The following ERBB4 variants were observed in gnomAD, a reference collection of about 807,000 sequenced individuals.
ERBB4 encodes the protein receptor tyrosine-protein kinase erbB-4.
ERBB4 carries 42 observed loss-of-function variants against 158.0 expected under a neutral mutation model. The observed-to-expected ratio is 0.27, with a 90% CI of 0.21 to 0.34. ERBB4 has a LOEUF of 0.34. Ranked by LOEUF, ERBB4 falls within the 10% of genes least tolerant of loss-of-function variation. ERBB4 has a pLI of 1.00. For synonymous variants in ERBB4, 583 were observed against 558.7 expected (o/e 1.04, Z -0.61); for missense variants, 1,333 against 1,624.1 (o/e 0.82, Z 3.08).
chr2:212,062,695 G>A (rs532375370), intron 2 of ERBB4, among the ~76,000 whole-genome samples: 19 of 152,114 alleles, frequency 1.2e-4, no homozygotes, highest in Admixed American at 8.5e-4. Context: ...GTGAGCCACC[G>A]CTCCCAGCCC....
intron 4 of ERBB4, among the ~76,000 whole-genome samples, chr2:211,751,381 AAAT>A (rs550551359): frequency 2.0e-4 from 30 of 152,214 alleles, no homozygotes; most frequent in Non-Finnish European, 3.8e-4. Context: ...TCGGGACTGA[AAAT>A]AAAGAATATT....
At chr2:211,990,795 A>G (rs1439842915) in intron 2 of ERBB4, among the ~76,000 whole-genome samples, 1 of 151,962 alleles carries the variant, frequency 6.6e-6, no homozygotes, top group Non-Finnish European at 1.5e-5. Flanking sequence ...AAACGTAAGA[A>G]GTAACTAATA....
intron 3 of ERBB4, among the ~76,000 whole-genome samples, chr2:211,830,721 G>T (rs1413521651): frequency 6.6e-6 from 1 of 151,678 alleles, no homozygotes; most frequent in Non-Finnish European, 1.5e-5. Context: ...TGTTTAAGTA[G>T]GTCACATTAA....
intron 1 of ERBB4, among the ~76,000 whole-genome samples, chr2:212,446,591 G>GTA (rs71057412): frequency 1.3e-3 from 35 of 27,506 alleles, no homozygotes; most frequent in South Asian, 5.6e-3. Context: ...ATATATATAT[G>GTA]TATATATATA....
intron 20 of ERBB4, among the ~76,000 whole-genome samples, chr2:211,517,678 A>G (rs965595269): frequency 4.7e-4 from 71 of 152,230 alleles, no homozygotes; most frequent in African/African-American, 1.6e-3. Context: ...AATTTGTACA[A>G]ATTACAAGAA....
intron 2 of ERBB4, among the ~76,000 whole-genome samples, chr2:212,086,358 CAAAAAAA>C (rs76096908): frequency 1.6e-5 from 2 of 127,992 alleles, no homozygotes; most frequent in Non-Finnish European, 3.3e-5. Context: ...TTCTCCCCAC[CAAAAAAA>C]AAAAAAGAAA....
chr2:212,522,762 G>A (rs1692245549), intron 1 of ERBB4, among the ~76,000 whole-genome samples: 1 of 151,974 alleles, frequency 6.6e-6, no homozygotes, highest in Non-Finnish European at 1.5e-5. Flanking sequence ...CGCCTCTGTT[G>A]AGAAATAGCT....
At chr2:211,550,981 C>T (rs1435316982) in intron 20 of ERBB4, among the ~76,000 whole-genome samples, 4 of 151,332 alleles carry the variant, frequency 2.6e-5, no homozygotes, top group South Asian at 4.2e-4. Context: ...CGCTCTGTCG[C>T]CCAGGCTGGA....
At chr2:211,596,441 C>A (rs1319289913) in intron 19 of ERBB4, among the ~76,000 whole-genome samples, 1 of 152,144 alleles carries the variant, frequency 6.6e-6, no homozygotes, top group South Asian at 2.1e-4. Flanking sequence ...GTTCTGGATG[C>A]TTAGGTCTAA....
chr2:211,750,965 T>C (rs1322722050), intron 4 of ERBB4, among the ~76,000 whole-genome samples: 1 of 152,192 alleles, frequency 6.6e-6, no homozygotes, highest in Non-Finnish European at 1.5e-5. Context: ...TTGTGAATTT[T>C]CTCAGGAAAT....
chr2:211,940,937 G>A (rs1434289851), intron 3 of ERBB4, among the ~76,000 whole-genome samples: 1 of 152,040 alleles, frequency 6.6e-6, no homozygotes, highest in Non-Finnish European at 1.5e-5. Flanking sequence ...TGCTGAAATG[G>A]CCATTATAAT....
At chr2:211,390,156 C>T (rs1402238557) in intron 25 of ERBB4, among the ~76,000 whole-genome samples, 2 of 152,164 alleles carry the variant, frequency 1.3e-5, no homozygotes, top group African/African-American at 2.4e-5. Context: ...TGGCCTTACC[C>T]TCATCATTAA....
chr2:211,426,782 G>A (rs2063637717), intron 22 of ERBB4, among the ~76,000 whole-genome samples: 1 of 150,946 alleles, frequency 6.6e-6, no homozygotes, highest in Non-Finnish European at 1.5e-5. Context: ...AAAGAAAAAA[G>A]TATATACATA....
chr2:211,663,715 T>C lies in ERBB4; in HGVS notation c.1871+1608A>G, dbSNP rs567722518. Among the ~76,000 whole-genome samples, 17 of 152,296 alleles carry C rather than the reference T, an allele frequency of 1.1e-4. 2 individuals carry two copies. In the South Asian group the frequency reaches 3.5e-3, roughly 32 times the overall value. On this transcript the variant is annotated intron_variant, in intron 15 of 27. Transcript: ENST00000342788. ...CTAATGGCCTCATTGTAATTAGATT[T>C]GCAAAAACAGCAAAAGGTCTCATTT...
intron 1 of ERBB4, among the ~76,000 whole-genome samples, chr2:212,436,909 C>G (rs2092149467): frequency 6.6e-6 from 1 of 151,826 alleles, no homozygotes; most frequent in South Asian, 2.1e-4. Context: ...GGAGGCCAGG[C>G]AAACTAGAGG....
chr2:211,877,422 T>C (rs1427120048), intron 3 of ERBB4, among the ~76,000 whole-genome samples: 2 of 152,240 alleles, frequency 1.3e-5, no homozygotes, highest in Non-Finnish European at 2.9e-5. Context: ...TTGCCATTAA[T>C]AGCTGAGCCT....
chr2:212,034,415 C>T (rs2076968717), intron 2 of ERBB4, among the ~76,000 whole-genome samples: 1 of 151,928 alleles, frequency 6.6e-6, no homozygotes, highest in Non-Finnish European at 1.5e-5. Flanking sequence ...TCTTACCTTA[C>T]AAAGGATTAA....
At chr2:211,397,435 A>C (rs1204671729) in intron 25 of ERBB4, among the ~76,000 whole-genome samples, 1 of 152,204 alleles carries the variant, frequency 6.6e-6, no homozygotes, top group Non-Finnish European at 1.5e-5. Flanking sequence ...TGAAGCAAAA[A>C]ATGAAATGGA....
chr2:212,079,270 G>C (rs2078364506), intron 2 of ERBB4, among the ~76,000 whole-genome samples: 1 of 151,782 alleles, frequency 6.6e-6, no homozygotes, highest in African/African-American at 2.4e-5. Flanking sequence ...ATGCTTGCCA[G>C]CAATAACTGT....
Sources: gnomAD v4.1 joint callset for allele counts (sites outside exome capture counted in the v4.1 genomes callset) on GRCh38, gnomAD v4.1.1 for gene constraint, MANE v1.5 for transcripts, NCBI Gene and HGNC (gene_info 2026-07-23, HGNC 2026-07-21) for gene names.